The following COL13A1 variants were observed in gnomAD, a reference collection of about 807,000 sequenced individuals.
COL13A1 encodes collagen alpha-1(XIII) chain.
Under a neutral mutation model 130.9 loss-of-function variants are expected in COL13A1, and 89 were observed. The observed-to-expected ratio is 0.68, with a 90% CI of 0.57 to 0.81. The LOEUF is 0.81. COL13A1 is among the 30% of genes least tolerant of loss of function. The pLI is 0.00. For missense variants in COL13A1, 879 were observed against 934.6 expected (o/e 0.94, Z 0.78); for synonymous variants, 402 against 341.6 (o/e 1.18, Z -1.95).
At chr10:69,889,544 T>A (rs2060956362) in intron 10 of COL13A1, 104 bp downstream of exon 10, 2 of 1,433,054 alleles carry the variant, frequency 1.4e-6, no homozygotes, top group Non-Finnish European at 1.9e-6. Flanking sequence ...ACAACAGGAA[T>A]GGCTGTCCAT....
Position 69,946,781 on chromosome 10 carries a change from TTTTTTTG to T in COL13A1, c.2023-507_2023-501del, listed in dbSNP as rs139369499. 1.6e-3 allele frequency among the ~76,000 whole-genome samples: 238 copies of T among 151,930 alleles called. 6 individuals are homozygous for T. The East Asian group carries it at 0.033, about 21-fold the overall frequency. Reference sequence around the variant, plus strand: ...GAGAGGTGAGAAAACCAGAACTGTGTTTTTTTGTTTTTTGTTTTTTGTTTTGAGACGG... The same window carrying T: ...GAGAGGTGAGAAAACCAGAACTGTGTTTTTTTGTTTTTTGTTTTGAGACGG... On this transcript the variant is annotated intron_variant, in intron 37 of 40. Coordinates refer to ENST00000645393, the MANE Select transcript of COL13A1 (RefSeq NM_001368882.1).
rs774661219 is a variant in COL13A1 at position 69,802,490 on chromosome 10, C to A, written c.67C>A (p.Pro23Thr). The change falls in exon 1 of 41, where the codon CCC becomes ACC. Residue 23 changes from proline to threonine, a missense_variant. Physicochemically the swap from Pro to Thr is conservative, Grantham distance 38 (BLOSUM62 -1). Around this residue, in one of 3 missense-constraint regions of COL13A1, gnomAD observed 715 missense variants for 721.0 expected, o/e 0.99. Transcript: ENST00000645393. ...GARGPGELGA[P>T]GTVALVAARA... is the part of the protein sequence containing the mutation. ...CCGCGGCCCTGGGGAGTTGGGCGCG[C>A]CCGGGACGGTGGCTCTGGTGGCGGC... 2.5e-4 allele frequency: 376 copies of A among 1,525,924 alleles called. No homozygotes were observed. In the African/African-American group the frequency reaches 5.1e-3, roughly 21 times the overall value. The allele number at this position is 1,525,924 out of a possible 1,614,324, so 94.5% of individuals were successfully genotyped here.
intron 1 of COL13A1, among the ~76,000 whole-genome samples, chr10:69,811,363 G>A (rs939823878): frequency 3.3e-5 from 5 of 152,204 alleles, no homozygotes; most frequent in African/African-American, 9.7e-5. Flanking sequence ...GATGCTCTGC[G>A]AAGGCACCTC....
chr10:69,930,337 C>G, intron 29 of COL13A1, 63 bp from the exon 30 acceptor site: 8 of 1,463,050 alleles, frequency 5.5e-6, no homozygotes, highest in Non-Finnish European at 7.4e-6. Flanking sequence ...TTTCTACTCT[C>G]TCTCCCTCTC....
At chr10:69,875,885 C>T (rs1192988515) in intron 5 of COL13A1, among the ~76,000 whole-genome samples, 1 of 152,200 alleles carries the variant, frequency 6.6e-6, no homozygotes, top group African/African-American at 2.4e-5. Flanking sequence ...CAGCCACTCT[C>T]CCCATGTGAC....
chr10:69,818,663 G>C (rs1183668057), intron 1 of COL13A1, among the ~76,000 whole-genome samples: 1 of 152,222 alleles, frequency 6.6e-6, no homozygotes, highest in African/African-American at 2.4e-5. Context: ...GTAAATTCCA[G>C]TCCAAGCCTG....
chr10:69,919,182 G>A, intron 20 of COL13A1, 94 bp downstream of exon 20: 1 of 1,543,204 alleles, frequency 6.5e-7, no homozygotes, highest in Non-Finnish European at 8.9e-7. Flanking sequence ...TGGTCCCCCT[G>A]AGGCTGGCCT....
At chr10:69,920,831 G>A (rs962531798) in intron 21 of COL13A1, among the ~76,000 whole-genome samples, 7 of 152,150 alleles carry the variant, frequency 4.6e-5, no homozygotes, top group Non-Finnish European at 7.4e-5. Context: ...TCAGGGAGAC[G>A]GGCTCGACCT....
At chr10:69,863,754 A>T (rs563467386) in intron 2 of COL13A1, among the ~76,000 whole-genome samples, 1 of 152,280 alleles carries the variant, frequency 6.6e-6, no homozygotes, top group Admixed American at 6.5e-5. Flanking sequence ...ATTCAAATCC[A>T]GGCCCTACCA....
chr10:69,823,752 G>A (rs982109946), intron 2 of COL13A1, among the ~76,000 whole-genome samples: 8 of 152,128 alleles, frequency 5.3e-5, no homozygotes, highest in Admixed American at 1.3e-4. Flanking sequence ...GAAGAGGGTC[G>A]TCCGGGTTAA....
At chr10:69,905,349 A>G (rs1211093890) in intron 16 of COL13A1, among the ~76,000 whole-genome samples, 3 of 152,166 alleles carry the variant, frequency 2.0e-5, no homozygotes, top group African/African-American at 7.2e-5. Flanking sequence ...GTGAACCCTC[A>G]CCCAGAAGCC....
Position 69,880,535 on chromosome 10 carries a change from T to G in COL13A1, c.495T>G (p.Ile165Met). 1 of 1,613,508 alleles carries G rather than the reference T, an allele frequency of 6.2e-7. No individual in the cohort carries two copies. Residue 165 changes from isoleucine to methionine, a missense_variant, in exon 7 of 41, where the codon ATT (isoleucine) becomes ATG (methionine). By Grantham distance (10) the Ile-to-Met change is conservative (BLOSUM62 1). This residue lies in a region of COL13A1 where 715 missense variants were observed against 721.0 expected (regional missense o/e 0.99). Coordinates refer to ENST00000645393, the MANE Select transcript of COL13A1 (RefSeq NM_001368882.1). ...CCGGAGACGCTGGGCTGTCCATCAT[T>G]GGTCCCCGCGGCCCCCCTGTAAGTT... ...GSPGDAGLSI[I>M]GPRGPPGQPG... is the part of the protein sequence containing the mutation.
rs561858598 is a variant in COL13A1 at position 69,873,262 on chromosome 10, G to A, written c.399+1052G>A. Among the ~76,000 whole-genome samples the A allele has an allele frequency of 1.1e-3, 171 of 152,264 alleles. 3 individuals carry two copies. The South Asian group carries it at 0.02, about 18-fold the overall frequency. On this transcript the variant is annotated intron_variant, in intron 4 of 40. Transcript: ENST00000645393. Reference sequence around the variant, plus strand: ...GACATGGATTATACTGTAACCTTTGGACTAATCCAACAGCTTCTAAAATTC... The same window carrying A: ...GACATGGATTATACTGTAACCTTTGAACTAATCCAACAGCTTCTAAAATTC...
intron 38 of COL13A1, among the ~76,000 whole-genome samples, chr10:69,948,862 C>T (rs2068946014): frequency 6.6e-6 from 1 of 152,150 alleles, no homozygotes; most frequent in Non-Finnish European, 1.5e-5. Flanking sequence ...GCTGCAGCAA[C>T]TGAGGTTATT....
chr10:69,945,859 T>C, intron 37 of COL13A1, 135 bp downstream of exon 37: 1 of 1,086,180 alleles, frequency 9.2e-7, no homozygotes, highest in Non-Finnish European at 1.3e-6. Context: ...CATCACGAGG[T>C]CAGGAGATCA....
At chr10:69,902,452 C>T (rs1326788098) in intron 14 of COL13A1, among the ~76,000 whole-genome samples, 1 of 152,154 alleles carries the variant, frequency 6.6e-6, no homozygotes, top group East Asian at 1.9e-4. Flanking sequence ...GGGGCTGTCT[C>T]CCACCCACTC....
intron 2 of COL13A1, among the ~76,000 whole-genome samples, chr10:69,857,648 G>A (rs929545150): frequency 4.8e-5 from 7 of 146,748 alleles, no homozygotes; most frequent in Admixed American, 1.4e-4. Context: ...TTGTCTTCTA[G>A]GAAACCAGTC....
At chr10:69,868,622 A>C (rs1267584438) in intron 3 of COL13A1, among the ~76,000 whole-genome samples, 5 of 152,228 alleles carry the variant, frequency 3.3e-5, no homozygotes, top group Non-Finnish European at 1.5e-5. Flanking sequence ...GGTTGCTGAA[A>C]TCAACCCTAT....
At chr10:69,920,182 A>G (rs2064454934) in intron 21 of COL13A1, among the ~76,000 whole-genome samples, 1 of 152,208 alleles carries the variant, frequency 6.6e-6, no homozygotes, top group Non-Finnish European at 1.5e-5. Context: ...ACCCTGGGGC[A>G]GGTGCCAAGG....
Sources: gnomAD v4.1 joint callset for allele counts (sites outside exome capture counted in the v4.1 genomes callset) on GRCh38, gnomAD v4.1.1 for gene constraint, gnomAD v4.1.1 regional missense constraint, MANE v1.5 for transcripts, NCBI Gene and HGNC (gene_info 2026-07-23, HGNC 2026-07-21) for gene names.